GRIK1: variants seen among roughly 807,000 people sequenced by gnomAD.
GRIK1 encodes glutamate receptor ionotropic, kainate 1.
In GRIK1, 69 loss-of-function variants were observed where a neutral mutation model predicts 105.7. The ratio of observed to expected loss-of-function variants is 0.65; its 90% confidence interval spans 0.54 to 0.80. The LOEUF (loss-of-function observed/expected upper bound fraction) is 0.80, where lower values mean the gene tolerates loss of function less well. Ranked by LOEUF, GRIK1 falls within the 30% of genes least tolerant of loss-of-function variation. The probability of loss-of-function intolerance (pLI) is 0.00; values close to 1 mark genes in which losing one functional copy is unlikely to be tolerated. For missense variants in GRIK1, 1,109 were observed against 1,167.3 expected, an observed-to-expected ratio of 0.95 and a Z score of 0.73; for synonymous variants, 438 against 431.3, an observed-to-expected ratio of 1.02 and a Z score of -0.19.
At chr21:29,771,345 C>T (rs898235839) in intron 1 of GRIK1, among the ~76,000 whole-genome samples, 5 of 152,144 alleles carry the variant, frequency 3.3e-5, no homozygotes, top group East Asian at 1.9e-4. Flanking sequence ...AAGAAGGCCC[C>T]GATGTCTAAT....
intron 7 of GRIK1, among the ~76,000 whole-genome samples, chr21:29,619,500 T>C (rs981625974): frequency 1.3e-5 from 2 of 151,182 alleles, no homozygotes; most frequent in African/African-American, 4.9e-5. Flanking sequence ...GGGAAGGGGG[T>C]GAGCGGTAAA....
chr21:29,821,109 C>A (rs546866733), intron 1 of GRIK1, among the ~76,000 whole-genome samples: 6 of 151,732 alleles, frequency 4.0e-5, no homozygotes, highest in African/African-American at 1.2e-4. Flanking sequence ...AAACTTAACT[C>A]CTAACAGCCT....
At chr21:29,864,717 A>C (rs1427631073) in intron 1 of GRIK1, among the ~76,000 whole-genome samples, 1 of 151,694 alleles carries the variant, frequency 6.6e-6, no homozygotes, top group African/African-American at 2.4e-5. Context: ...CTTTGTCTTT[A>C]ATGTGAAATT....
At chr21:29,926,264 C>A (rs1287572218) in intron 1 of GRIK1, among the ~76,000 whole-genome samples, 1 of 152,190 alleles carries the variant, frequency 6.6e-6, no homozygotes, top group African/African-American at 2.4e-5. Flanking sequence ...TGCACTCTCT[C>A]ATTTAAGACA....
chr21:29,888,591 T>G (rs1011049880), intron 1 of GRIK1, among the ~76,000 whole-genome samples: 1 of 152,046 alleles, frequency 6.6e-6, no homozygotes, highest in African/African-American at 2.4e-5. Context: ...TTCTTAAGGT[T>G]TTATTACAGA....
chr21:29,755,712 G>T (rs1569053563), intron 1 of GRIK1, among the ~76,000 whole-genome samples: 1 of 152,078 alleles, frequency 6.6e-6, no homozygotes, highest in Non-Finnish European at 1.5e-5. Context: ...CTGGAGGAGA[G>T]AAATCAAAAA....
At chr21:29,644,908 C>A (rs936099971) in intron 6 of GRIK1, among the ~76,000 whole-genome samples, 24 of 152,274 alleles carry the variant, frequency 1.6e-4, no homozygotes, top group Non-Finnish European at 1.6e-4. Flanking sequence ...AACCTTTATT[C>A]TTTTACAGAT....
chr21:29,621,432 T>G (rs1377474503), intron 7 of GRIK1, among the ~76,000 whole-genome samples: 2 of 152,050 alleles, frequency 1.3e-5, no homozygotes, highest in Non-Finnish European at 2.9e-5. Flanking sequence ...ATCTAAAACC[T>G]AAAACTCTTT....
intron 4 of GRIK1, among the ~76,000 whole-genome samples, chr21:29,671,748 A>G (rs1363042877): frequency 6.6e-6 from 1 of 152,342 alleles, no homozygotes; most frequent in East Asian, 1.9e-4. Flanking sequence ...AACTTTGCCT[A>G]TGCCACAATA....
chr21:29,592,649 T>C (rs1739502362), intron 9 of GRIK1, among the ~76,000 whole-genome samples: 1 of 152,212 alleles, frequency 6.6e-6, no homozygotes. Context: ...TCTTTACCTA[T>C]AAAGTATTTC....
chr21:29,901,989 A>C (rs913405446), intron 1 of GRIK1, among the ~76,000 whole-genome samples: 4 of 152,246 alleles, frequency 2.6e-5, no homozygotes, highest in African/African-American at 9.6e-5. Context: ...AGGCTGGTTC[A>C]ACATACACAA....
chr21:29,718,108 C>A (rs1362153014), intron 1 of GRIK1, among the ~76,000 whole-genome samples: 1 of 152,118 alleles, frequency 6.6e-6, no homozygotes, highest in African/African-American at 2.4e-5. Context: ...TGTAAGTTTC[C>A]TGAGGCCTCC....
chr21:29,734,043 A>G (rs1205134017), intron 1 of GRIK1, among the ~76,000 whole-genome samples: 1 of 152,184 alleles, frequency 6.6e-6, no homozygotes, highest in Non-Finnish European at 1.5e-5. Context: ...GGCTGTGTTT[A>G]ACAATAGGCT....
At chr21:29,728,053 A>T (rs775192669) in intron 1 of GRIK1, among the ~76,000 whole-genome samples, 20 of 152,172 alleles carry the variant, frequency 1.3e-4, no homozygotes, top group Non-Finnish European at 2.8e-4. Flanking sequence ...TGAGGAGAGC[A>T]GTCTTCTTTA....
At chr21:29,685,671 A>G (rs2063474144) in intron 3 of GRIK1, among the ~76,000 whole-genome samples, 1 of 152,214 alleles carries the variant, frequency 6.6e-6, no homozygotes, top group Admixed American at 6.5e-5. Context: ...TTAAGTCATT[A>G]TTAGCCATTA....
chr21:29,906,113 A>C (rs995015070), intron 1 of GRIK1, among the ~76,000 whole-genome samples: 40 of 152,260 alleles, frequency 2.6e-4, no homozygotes, highest in African/African-American at 8.7e-4. Context: ...TCGTTTTTTC[A>C]ATCTTTTTCT....
intron 1 of GRIK1, among the ~76,000 whole-genome samples, chr21:29,849,247 C>G (rs1432580096): frequency 6.6e-6 from 1 of 152,140 alleles, no homozygotes; most frequent in African/African-American, 2.4e-5. Flanking sequence ...CCCTTAGCTT[C>G]TAGTATGGTG....
rs974515116 is a variant in GRIK1, at chr21:29,615,283, C to T, written c.1099-16346G>A. ...AGGTGTAGTGTGCATTCACCATTTG[C>T]CTTCATGGCCCACTATTCCTTTTTT... On this transcript the variant is annotated intron_variant, in intron 7 of 17. Transcript: ENST00000327783. 4.0e-5 allele frequency among the ~76,000 whole-genome samples: 6 copies of T among 151,006 alleles called. 1 individual carries two copies. Among genetic ancestry groups the T allele is most frequent in the African/African-American group, 4.9e-5 (2 of 40,510 alleles).
intron 12 of GRIK1, chr21:29,582,434 CAACTA>C (rs1400117287): frequency 5.0e-6 from 2 of 400,260 alleles, no homozygotes; most frequent in Non-Finnish European, 1.0e-5. Context: ...TCTGGAAAAA[CAACTA>C]GTATAGTAGT....
Sources: allele counts gnomAD v4.1 joint callset (sites outside exome capture counted in the v4.1 genomes callset), GRCh38; gene constraint gnomAD v4.1.1; transcripts MANE v1.5; gene names NCBI Gene and HGNC (gene_info 2026-07-23, HGNC 2026-07-21).